The following N4BP2 variants were observed in gnomAD, a reference collection of about 807,000 sequenced individuals.
N4BP2 encodes NEDD4-binding protein 2.
In N4BP2, 91 loss-of-function variants were observed where a neutral mutation model predicts 152.8. The ratio of observed to expected loss-of-function variants is 0.60; its 90% CI spans 0.50 to 0.71. N4BP2 has a LOEUF of 0.71. N4BP2 is among the 30% of genes least tolerant of loss of function. The pLI is 0.00. For synonymous variants in N4BP2, 646 were observed against 705.3 expected (o/e 0.92, Z 1.33); for missense variants, 1,923 against 2,059.1 (o/e 0.93, Z 1.28).
chr4:40,166,460 C>T, the N4BP2 span, among the ~76,000 whole-genome samples: 9 of 151,996 alleles, frequency 5.9e-5, no homozygotes, highest in African/African-American at 1.9e-4. Context: ...GAGGCTGAGG[C>T]GGGTGGATCA....
At chr4:40,064,807 T>A (rs1733915571) in intron 1 of N4BP2, among the ~76,000 whole-genome samples, 1 of 152,022 alleles carries the variant, frequency 6.6e-6, no homozygotes, top group Non-Finnish European at 1.5e-5. Context: ...TCTTGCTCTG[T>A]TGCCCAGGCT....
Position 40,102,851 on chromosome 4 carries a change from A to G in N4BP2, c.1006A>G (p.Thr336Ala), listed in dbSNP as rs371309025. 9.9e-6 allele frequency: 16 copies of G among 1,614,168 alleles called. 1 individual carries two copies. The highest frequency in any genetic ancestry group is 8.9e-5 in the East Asian group (4 of 44,886). Residue 336 changes from threonine to alanine, a missense_variant, in exon 4 of 18, where the codon ACT becomes GCT. Coordinates refer to ENST00000261435, the MANE Select transcript of N4BP2 (RefSeq NM_018177.6). ...FKPHKHPELP[T>A]KGKDVSYCPV... Reference sequence around the variant, plus strand: ...GCCACACAAACATCCTGAACTGCCAACTAAGGGGAAGGATGTGAGTTACTG... The same window carrying G: ...GCCACACAAACATCCTGAACTGCCAGCTAAGGGGAAGGATGTGAGTTACTG...
At chr4:40,139,012 T>A (rs747713223) in intron 14 of N4BP2, among the ~76,000 whole-genome samples, 15 of 152,214 alleles carry the variant, frequency 9.9e-5, no homozygotes, top group Non-Finnish European at 1.5e-4. Context: ...GTAGACCAAT[T>A]AACAATATTA....
the N4BP2 span, among the ~76,000 whole-genome samples, chr4:40,170,389 C>T: frequency 6.6e-6 from 1 of 151,844 alleles, no homozygotes; most frequent in South Asian, 2.1e-4. Flanking sequence ...GAGACTGACG[C>T]AGGCAGATCA....
At chr4:40,111,863 G>A (rs943501691) in intron 5 of N4BP2, among the ~76,000 whole-genome samples, 4 of 152,226 alleles carry the variant, frequency 2.6e-5, no homozygotes, top group Non-Finnish European at 5.9e-5. Context: ...TGGTCTGCCC[G>A]CTTTGGCTTC....
At chr4:40,185,830 T>A in the N4BP2 span, among the ~76,000 whole-genome samples, 1 of 152,170 alleles carries the variant, frequency 6.6e-6, no homozygotes, top group Non-Finnish European at 1.5e-5. Flanking sequence ...GTAATAATAA[T>A]AATAATGAGA....
intron 2 of N4BP2, among the ~76,000 whole-genome samples, chr4:40,091,251 A>AT (rs1714512654): frequency 6.6e-6 from 1 of 151,536 alleles, no homozygotes; most frequent in African/African-American, 2.4e-5. Context: ...TATGCGTTTT[A>AT]TTTTCTTTTT....
rs751160423 is a variant in N4BP2, at chr4:40,117,914, G to A, written c.1710G>A (p.Leu570=). ...GVSKEKITRM[L]EHYQRFVSVP... Reference sequence around the variant, plus strand: ...GCAAAGAAAAAATAACAAGAATGTTGGAACATTATCAACGTTTTGTTTCAG... The same window carrying A: ...GCAAAGAAAAAATAACAAGAATGTTAGAACATTATCAACGTTTTGTTTCAG... Residue 570 remains leucine, a synonymous_variant, in exon 8 of 18, where the codon TTG becomes TTA. Transcript: ENST00000261435. 1 of 1,611,750 alleles carries A rather than the reference G, an allele frequency of 6.2e-7. No individual in the cohort carries two copies. Among genetic ancestry groups the A allele is most frequent in the Non-Finnish European group, 8.5e-7 (1 of 1,179,104 alleles).
the N4BP2 span, among the ~76,000 whole-genome samples, chr4:40,166,338 T>A: frequency 6.6e-6 from 1 of 152,168 alleles, no homozygotes; most frequent in Non-Finnish European, 1.5e-5. Flanking sequence ...TTGCCTTCAT[T>A]GTCTGAACTG....
At chr4:40,140,145 TTAA>T (rs2110028493) in intron 14 of N4BP2, among the ~76,000 whole-genome samples, 1 of 152,294 alleles carries the variant, frequency 6.6e-6, no homozygotes, top group Admixed American at 6.5e-5. Context: ...GCAATCCTTA[TTAA>T]TAAGACCACT....
At chr4:40,097,185 A>AAT in intron 2 of N4BP2, 42 bp from the exon 3 acceptor site, 1 of 582,476 alleles carries the variant, frequency 1.7e-6, no homozygotes, top group Admixed American at 3.2e-5. Context: ...TAGAAATGGA[A>AAT]ATATATATAG....
rs1733213315 is a variant in N4BP2 at position 40,056,921 on chromosome 4, C to T, written c.-321C>T. 1 of 152,076 alleles carries T rather than the reference C, an allele frequency of 6.6e-6. No individual in the cohort carries two copies. The highest frequency in any genetic ancestry group is 1.5e-5 in the Non-Finnish European group (1 of 68,006). 9.4% of individuals were successfully genotyped at this position (152,076 alleles called of 1,614,324 possible). A position where few individuals can be genotyped will look rare whatever the true frequency, so the allele number is the denominator to read the frequency against. On this transcript the variant is annotated 5_prime_UTR_variant, in exon 1 of 18. Transcript: ENST00000261435. Reference sequence around the variant, plus strand: ...AGCTGCTTGCTAGCCTTGCGCGGCGCGGGAGAGCGCAGTGGCGCCGGCGGG... The same window carrying T: ...AGCTGCTTGCTAGCCTTGCGCGGCGTGGGAGAGCGCAGTGGCGCCGGCGGG...
At chr4:40,068,385 A>G (rs543360471) in intron 1 of N4BP2, among the ~76,000 whole-genome samples, 4 of 152,270 alleles carry the variant, frequency 2.6e-5, no homozygotes, top group South Asian at 2.1e-4. Context: ...TCAAGAAATC[A>G]TTGCCAAATC....
intron 5 of N4BP2, among the ~76,000 whole-genome samples, chr4:40,108,109 G>A (rs1449794657): frequency 2.0e-5 from 3 of 151,606 alleles, no homozygotes; most frequent in African/African-American, 7.3e-5. Context: ...TGTATTTTTA[G>A]TAGCGACGGG....
intron 1 of N4BP2, among the ~76,000 whole-genome samples, chr4:40,060,647 G>C (rs1733585859): frequency 6.6e-6 from 1 of 151,108 alleles, no homozygotes; most frequent in South Asian, 2.1e-4. Flanking sequence ...CTGTTGTCCA[G>C]GTTGGAGTGC....
intron 2 of N4BP2, among the ~76,000 whole-genome samples, chr4:40,093,067 C>T (rs531867994): frequency 4.0e-5 from 6 of 151,770 alleles, no homozygotes; most frequent in Admixed American, 6.6e-5. Flanking sequence ...CCTCAGTCTC[C>T]GGAGCAGCTA....
Position 40,120,313 on chromosome 4 carries a change from A to G in N4BP2, c.2202A>G (p.Gln734=), listed in dbSNP as rs1294716859. Residue 734 remains glutamine (Q), a synonymous_variant, in exon 9 of 18, where the codon CAA becomes CAG. Transcript: ENST00000261435. ...GTACTTGCTGTAGTGAAAATAATCA[A>G]GAAGACTGTGATCTTGCAAATAGTG... ...SPSTCCSENN[Q]EDCDLANSGP... is the part of the protein sequence containing the mutation. The G allele has an allele frequency of 6.2e-7, 1 of 1,612,742 alleles. No individual in the cohort carries two copies. Among genetic ancestry groups the G allele is most frequent in the Non-Finnish European group, 8.5e-7 (1 of 1,179,626 alleles).
intron 2 of N4BP2, among the ~76,000 whole-genome samples, chr4:40,088,168 G>GT (rs981716488): frequency 2.0e-4 from 31 of 152,256 alleles, no homozygotes; most frequent in African/African-American, 7.5e-4. Context: ...ATGTACCATA[G>GT]TTTTTTTAAC....
Position 40,106,897 on chromosome 4 carries a change from C to G in N4BP2, c.1374-3C>G, listed in dbSNP as rs184427463. 1 of 1,598,466 alleles carries G rather than the reference C, an allele frequency of 6.3e-7. No homozygotes were observed. Among genetic ancestry groups the G allele is most frequent in the Non-Finnish European group, 8.5e-7 (1 of 1,172,098 alleles). On this transcript the variant is annotated splice_region_variant and splice_polypyrimidine_tract_variant and intron_variant, in intron 4 of 17. Transcript: ENST00000261435. The stretch of plus-strand genomic sequence containing the variant: ...TGAAAATTATTTCATTTATCTTTCA[C>G]AGGACTTTGCAAGAGGATAATCCAA...
Sources: gnomAD v4.1 joint callset for allele counts (sites outside exome capture counted in the v4.1 genomes callset) on GRCh38, gnomAD v4.1.1 for gene constraint, MANE v1.5 for transcripts, NCBI Gene and HGNC (gene_info 2026-07-23, HGNC 2026-07-21) for gene names.